MGAT4C: variants seen among roughly 807,000 people sequenced by gnomAD.
MGAT4C encodes the protein alpha-1,3-mannosyl-glycoprotein 4-beta-N-acetylglucosaminyltransferase C.
Under a neutral mutation model 40.1 loss-of-function variants are expected in MGAT4C, and 19 were observed. That is an observed-to-expected ratio of 0.47 (90% CI 0.33 to 0.70). MGAT4C has a LOEUF of 0.70. Ranked by LOEUF, MGAT4C falls within the 30% of genes least tolerant of loss-of-function variation. MGAT4C has a pLI of 0.02. For synonymous variants in MGAT4C, 181 were observed against 187.1 expected, an observed-to-expected ratio of 0.97 and a Z score of 0.27; for missense variants, 491 against 563.2, an observed-to-expected ratio of 0.87 and a Z score of 1.30.
chr12:86,070,472 CT>C (rs1243921433), intron 1 of MGAT4C, among the ~76,000 whole-genome samples: 1 of 151,968 alleles, frequency 6.6e-6, no homozygotes, highest in East Asian at 1.9e-4. Flanking sequence ...TACTAATCCA[CT>C]TTTTTGTGTA....
At chr12:86,496,485 TAC>T (rs60728567) in intron 2 of MGAT4C, among the ~76,000 whole-genome samples, 15,259 of 152,094 alleles carry the variant, frequency 0.1, 994 homozygotes, top group Middle Eastern at 0.24. Context: ...AGGTACATTA[TAC>T]AGAGTCATGA....
intron 3 of MGAT4C, among the ~76,000 whole-genome samples, chr12:85,984,564 T>C (rs1382446273): frequency 1.3e-5 from 2 of 152,198 alleles, no homozygotes. Flanking sequence ...TTCTTTGATA[T>C]AAGCTAAATG....
intron 1 of MGAT4C, among the ~76,000 whole-genome samples, chr12:86,245,119 A>T (rs536819965): frequency 6.6e-6 from 1 of 152,270 alleles, no homozygotes; most frequent in South Asian, 2.1e-4. Flanking sequence ...TAAACTAAAA[A>T]AAATACACCA....
chr12:86,481,190 C>T lies in MGAT4C; in HGVS notation c.-228-45925G>A, dbSNP rs1329316852. On this transcript the variant is annotated intron_variant, in intron 2 of 7. Coordinates refer to the MGAT4C transcript ENST00000548651. ...TTTTGTATAGGAAACATGTATATTT[C>T]ATTTTCTTTTTAAAATTTTCTTGGT... 2.0e-5 allele frequency among the ~76,000 whole-genome samples: 3 copies of T among 152,050 alleles called. No individual in the cohort carries two copies. In the East Asian group the frequency reaches 5.8e-4, roughly 29 times the overall value.
intron 1 of MGAT4C, among the ~76,000 whole-genome samples, chr12:86,796,860 G>T (rs1952132782): frequency 6.6e-6 from 1 of 151,810 alleles, no homozygotes; most frequent in South Asian, 2.1e-4. Context: ...ATTCCAAAAT[G>T]TAAATATACT....
chr12:86,464,600 T>C (rs1171991611), intron 2 of MGAT4C, among the ~76,000 whole-genome samples: 1 of 152,138 alleles, frequency 6.6e-6, no homozygotes, highest in Non-Finnish European at 1.5e-5. Flanking sequence ...GAAAATAACA[T>C]CCTAAACAAT....
chr12:86,275,944 CAAAAAAAAAAAAAAAAA>C (rs748476574), intron 4 of MGAT4C, among the ~76,000 whole-genome samples: 3 of 69,190 alleles, frequency 4.3e-5, no homozygotes, highest in East Asian at 3.8e-4. Context: ...ACTAAAAATC[CAAAAAAAAAAAAAAAAA>C]AAAAAAAAAA....
intron 3 of MGAT4C, among the ~76,000 whole-genome samples, chr12:86,409,544 C>T (rs1359024930): frequency 2.6e-5 from 4 of 152,112 alleles, no homozygotes; most frequent in Non-Finnish European, 4.4e-5. Context: ...ACATCACAAC[C>T]TTACAGAAAA....
At chr12:86,589,955 A>T (rs992636283) in intron 2 of MGAT4C, among the ~76,000 whole-genome samples, 1 of 152,006 alleles carries the variant, frequency 6.6e-6, no homozygotes. Context: ...AATTAAAACA[A>T]TACAAAATAC....
chr12:86,754,291 A>G (rs1951267145), intron 1 of MGAT4C, among the ~76,000 whole-genome samples: 1 of 152,114 alleles, frequency 6.6e-6, no homozygotes, highest in African/African-American at 2.4e-5. Flanking sequence ...AGGCAAACTG[A>G]TCTTTAGACA....
chr12:86,627,247 C>T (rs1464006286), intron 2 of MGAT4C, among the ~76,000 whole-genome samples: 1 of 152,124 alleles, frequency 6.6e-6, no homozygotes, highest in South Asian at 2.1e-4. Flanking sequence ...CCCACCACAG[C>T]TCAGCGAGGC....
chr12:86,005,884 T>TA (rs1304318467), intron 2 of MGAT4C, among the ~76,000 whole-genome samples: 1 of 152,164 alleles, frequency 6.6e-6, no homozygotes, highest in East Asian at 1.9e-4. Context: ...TTATCTTTGA[T>TA]AAAAAATAAG....
chr12:86,349,788 C>T (rs954144726), intron 3 of MGAT4C, among the ~76,000 whole-genome samples: 11 of 152,088 alleles, frequency 7.2e-5, no homozygotes, highest in Non-Finnish European at 1.6e-4. Context: ...GGACTTGCTA[C>T]ATATCTACTG....
Position 86,339,198 on chromosome 12 carries a change from C to A in MGAT4C, c.-119-5071G>T, listed in dbSNP as rs967377241. Among the ~76,000 whole-genome samples, 4 of 152,076 alleles carry A rather than the reference C, an allele frequency of 2.6e-5. No individual in the cohort carries two copies. The East Asian group carries it at 7.7e-4, about 29-fold the overall frequency. The stretch of plus-strand genomic sequence containing the variant: ...CCAAGTTACATAGCAAATGAAGGCA[C>A]ATGAATCCAAACCAGAGAGTCTGCC... On this transcript the variant is annotated intron_variant, in intron 3 of 7. Transcript: ENST00000548651.
chr12:86,388,871 A>T (rs892119690), intron 3 of MGAT4C, among the ~76,000 whole-genome samples: 1 of 151,534 alleles, frequency 6.6e-6, no homozygotes, highest in African/African-American at 2.4e-5. Flanking sequence ...TTTAGTAAAG[A>T]CATGGTTTCA....
At chr12:86,659,296 G>A (rs1443080954) in intron 2 of MGAT4C, among the ~76,000 whole-genome samples, 2 of 151,964 alleles carry the variant, frequency 1.3e-5, no homozygotes, top group Non-Finnish European at 2.9e-5. Context: ...TTATTATTCA[G>A]ATGGAAGTTG....
At chr12:86,148,888 CT>C (rs1200047061) in intron 1 of MGAT4C, among the ~76,000 whole-genome samples, 2 of 152,154 alleles carry the variant, frequency 1.3e-5, no homozygotes, top group Non-Finnish European at 2.9e-5. Flanking sequence ...ATCATCTCAT[CT>C]GAATAAAATT....
intron 1 of MGAT4C, among the ~76,000 whole-genome samples, chr12:86,106,081 T>C (rs118149790): frequency 6.6e-6 from 1 of 152,322 alleles, no homozygotes; most frequent in East Asian, 1.9e-4. Context: ...AATTCCTTTA[T>C]GCATGGAATA....
intron 1 of MGAT4C, among the ~76,000 whole-genome samples, chr12:86,192,614 T>C (rs1461994795): frequency 2.0e-5 from 3 of 152,172 alleles, no homozygotes; most frequent in Non-Finnish European, 4.4e-5. Context: ...AGTTGCACTA[T>C]ACTCCAAAAG....
Sources: allele counts gnomAD v4.1 joint callset (sites outside exome capture counted in the v4.1 genomes callset), GRCh38; gene constraint gnomAD v4.1.1; transcripts MANE v1.5; gene names NCBI Gene and HGNC (gene_info 2026-07-23, HGNC 2026-07-21).